Variants in KIF16B observed in about 807,000 individuals in gnomAD.
KIF16B encodes the protein kinesin-like protein KIF16B.
KIF16B carries 98 observed loss-of-function variants against 156.3 expected under a neutral mutation model. The ratio of observed to expected loss-of-function variants is 0.63; its 90% CI spans 0.53 to 0.74. The LOEUF (loss-of-function observed/expected upper bound fraction) is 0.74, where lower values mean the gene tolerates loss of function less well. KIF16B is among the 30% of genes least tolerant of loss of function. The probability of loss-of-function intolerance (pLI) is 0.00; values close to 1 mark genes in which losing one functional copy is unlikely to be tolerated. For missense variants in KIF16B, 1,421 were observed against 1,606.5 expected, an observed-to-expected ratio of 0.88 and a Z score of 1.97; for synonymous variants, 564 against 583.7, an observed-to-expected ratio of 0.97 and a Z score of 0.49.
chr20:16,529,982 T>C (rs771481269), intron 1 of KIF16B, among the ~76,000 whole-genome samples: 1 of 151,826 alleles, frequency 6.6e-6, no homozygotes, highest in African/African-American at 2.4e-5. Flanking sequence ...CTGAATCTAA[T>C]TGGAAGGAGT....
chr20:16,315,389 T>G (rs2063682515), intron 24 of KIF16B, among the ~76,000 whole-genome samples: 1 of 152,166 alleles, frequency 6.6e-6, no homozygotes, highest in African/African-American at 2.4e-5. Context: ...GCTAAGTGAC[T>G]TGGAAAGGCT....
intron 22 of KIF16B, among the ~76,000 whole-genome samples, chr20:16,356,688 T>C (rs1162780887): frequency 6.6e-6 from 1 of 152,234 alleles, no homozygotes; most frequent in African/African-American, 2.4e-5. Flanking sequence ...GCAAAAGCAC[T>C]ATGAAGTGTT....
At chr20:16,462,555 G>A (rs2146687020) in intron 12 of KIF16B, among the ~76,000 whole-genome samples, 1 of 152,234 alleles carries the variant, frequency 6.6e-6, no homozygotes, top group South Asian at 2.1e-4. Context: ...GAATCTGGGT[G>A]TTTCAGCCTG....
chr20:16,481,463 T>C (rs1054809104), intron 12 of KIF16B, among the ~76,000 whole-genome samples: 1 of 152,140 alleles, frequency 6.6e-6, no homozygotes, highest in Non-Finnish European at 1.5e-5. Flanking sequence ...AGTGCTGGGA[T>C]TAAAGGCGTG....
In KIF16B at chr20:16,323,648, T is replaced by C. The variant is rs548298075; in HGVS notation, c.3712-11230A>G. 5.9e-5 allele frequency among the ~76,000 whole-genome samples: 9 copies of C among 152,024 alleles called. No homozygotes were observed. In the South Asian group the frequency reaches 1.0e-3, roughly 18 times the overall value. On this transcript the variant is annotated intron_variant, in intron 24 of 25. Coordinates refer to ENST00000354981, the MANE Select transcript of KIF16B (RefSeq NM_024704.5). ...CTCCTGATAGGGTAACTTAAGCCCA[T>C]ACCACACAATATTTATGAACATCTC...
At chr20:16,425,746 C>T (rs1190190583) in intron 15 of KIF16B, among the ~76,000 whole-genome samples, 1 of 152,154 alleles carries the variant, frequency 6.6e-6, no homozygotes, top group Non-Finnish European at 1.5e-5. Context: ...AAAACAGCAT[C>T]ATTTCTCTGA....
chr20:16,395,996 TC>T (rs1326424079), intron 17 of KIF16B, among the ~76,000 whole-genome samples: 1 of 152,106 alleles, frequency 6.6e-6, no homozygotes, highest in Non-Finnish European at 1.5e-5. Flanking sequence ...AGCTACTTCC[TC>T]CCCGCTGAGG....
intron 12 of KIF16B, among the ~76,000 whole-genome samples, chr20:16,476,693 C>T (rs898920733): frequency 1.3e-5 from 2 of 152,146 alleles, no homozygotes; most frequent in Admixed American, 6.5e-5. Context: ...GCAGGATAGC[C>T]ATATTCCCCT....
At chr20:16,551,913 T>C (rs1451780397) in intron 1 of KIF16B, among the ~76,000 whole-genome samples, 1 of 152,092 alleles carries the variant, frequency 6.6e-6, no homozygotes, top group East Asian at 1.9e-4. Flanking sequence ...ACCTCTAATT[T>C]AGACATCATT....
intron 12 of KIF16B, among the ~76,000 whole-genome samples, chr20:16,448,178 C>G (rs1201173610): frequency 6.6e-6 from 1 of 152,162 alleles, no homozygotes; most frequent in Non-Finnish European, 1.5e-5. Context: ...GCCATCTCCA[C>G]AGGGTGGAGG....
At chr20:16,567,996 G>A (rs2071322720) in intron 1 of KIF16B, among the ~76,000 whole-genome samples, 2 of 152,166 alleles carry the variant, frequency 1.3e-5, no homozygotes, top group Admixed American at 1.3e-4. Flanking sequence ...GCAGTGCCTT[G>A]ACAGATACTT....
intron 9 of KIF16B, among the ~76,000 whole-genome samples, chr20:16,505,134 AAGAG>A: frequency 6.6e-6 from 1 of 152,266 alleles, no homozygotes; most frequent in South Asian, 2.1e-4. Flanking sequence ...GAAGGGCATG[AAGAG>A]AGGGGAAGGG....
At position 16,289,378 on chromosome 20, in the gene KIF16B, T is replaced by G. The variant is rs2063279641; in HGVS notation, c.3796-15967A>C. Among the ~76,000 whole-genome samples the G allele has an allele frequency of 3.3e-5, 5 of 152,194 alleles. 1 individual carries two copies. The highest frequency in any genetic ancestry group is 4.1e-4 in the South Asian group (2 of 4,820). On this transcript the variant is annotated intron_variant, in intron 25 of 25. Transcript: ENST00000354981. ...ATATGCAAATATGTTAATTTTCCCCTCTTTTAAATGTTTGGAAACACATGG... is the reference window on the plus strand; with the variant it reads ...ATATGCAAATATGTTAATTTTCCCCGCTTTTAAATGTTTGGAAACACATGG...
intron 12 of KIF16B, among the ~76,000 whole-genome samples, chr20:16,431,857 G>A (rs1197818632): frequency 6.9e-6 from 1 of 145,722 alleles, no homozygotes; most frequent in Non-Finnish European, 1.5e-5. Context: ...ATGGCTATTA[G>A]TGTGTATATA....
intron 23 of KIF16B, among the ~76,000 whole-genome samples, chr20:16,345,489 G>C (rs574212797): frequency 1.3e-5 from 2 of 152,204 alleles, no homozygotes; most frequent in African/African-American, 4.8e-5. Flanking sequence ...ACCTGTAACT[G>C]TTTAAAGGTT....
intron 24 of KIF16B, among the ~76,000 whole-genome samples, chr20:16,325,826 G>A (rs112830588): frequency 0.049 from 7,405 of 151,918 alleles, 223 homozygotes; most frequent in Non-Finnish European, 0.076. Context: ...AACCAAAAAA[G>A]AGCCCACATA....
At chr20:16,370,907 G>T (rs1021994748) in intron 21 of KIF16B, among the ~76,000 whole-genome samples, 1 of 152,104 alleles carries the variant, frequency 6.6e-6, no homozygotes, top group African/African-American at 2.4e-5. Flanking sequence ...TTCTTAATTT[G>T]CAGGATAGAA....
At chr20:16,434,584 T>C (rs939596455) in intron 12 of KIF16B, among the ~76,000 whole-genome samples, 2 of 152,222 alleles carry the variant, frequency 1.3e-5, no homozygotes, top group African/African-American at 4.8e-5. Flanking sequence ...ACAGTGTGTC[T>C]GCCCCACGTA....
Position 16,371,718 on chromosome 20 carries a change from C to A in KIF16B, c.3394G>T (p.Asp1132Tyr), listed in dbSNP as rs375035068. The A allele has an allele frequency of 8.1e-6, 13 of 1,614,066 alleles. No homozygotes were observed. The highest frequency in any genetic ancestry group is 1.0e-5 in the Non-Finnish European group (12 of 1,179,950). The change falls in exon 21 of 26, where the codon GAT (aspartate) becomes TAT (tyrosine). Residue 1132 changes from aspartate (D) to tyrosine (Y), a missense_variant. Asp to Tyr is a radical substitution (Grantham distance 160). Coordinates refer to ENST00000354981, the MANE Select transcript of KIF16B (RefSeq NM_024704.5). The stretch of plus-strand genomic sequence containing the variant: ...CCTTCACTAATCACACGATGCAAAT[C>A]CTGAAGGCGTCTTTGGACTTCTTCT... ...IEEEVQRRLQ[D>Y]LHRVISEGCS...
Sources: gnomAD v4.1 joint callset for allele counts (sites outside exome capture counted in the v4.1 genomes callset) on GRCh38, gnomAD v4.1.1 for gene constraint, MANE v1.5 for transcripts, NCBI Gene and HGNC (gene_info 2026-07-23, HGNC 2026-07-21) for gene names.